ELK3: variants seen among roughly 807,000 people sequenced by gnomAD.
The protein encoded by ELK3 is ETS transcription factor ELK3.
Under a neutral mutation model 28.9 loss-of-function variants are expected in ELK3, and 10 were observed. The ratio of observed to expected loss-of-function variants is 0.35; its 90% CI spans 0.21 to 0.59. The LOEUF is 0.59. ELK3 is among the 20% of genes least tolerant of loss of function. ELK3 has a pLI of 0.82. For missense variants in ELK3, 463 were observed against 517.3 expected (o/e 0.90, Z 1.02); for synonymous variants, 272 against 243.5 (o/e 1.12, Z -1.09).
chr12:96,235,927 G>A (rs938027572), intron 2 of ELK3, among the ~76,000 whole-genome samples: 6 of 152,002 alleles, frequency 3.9e-5, no homozygotes, highest in Non-Finnish European at 5.9e-5. Context: ...TCCTGGGTTC[G>A]AGCGATTCTC....
rs143859184 is a variant in ELK3 at position 96,247,388 on chromosome 12, C to G, written c.656C>G (p.Ser219Trp). The change falls in exon 3 of 5, where the codon TCG becomes TGG. Residue 219 changes from serine to tryptophan, a missense_variant. By Grantham distance (177) the Ser-to-Trp change is radical (BLOSUM62 -3). This residue lies in a region of ELK3 where 408 missense variants were observed against 414.8 expected (regional missense o/e 0.98). Transcript: ENST00000228741. This position sits in a 1 kb window ranked among gnomAD's most constrained non-coding sequence, Gnocchi z 5.5. ...TCCGCCTTCCTGGCCTCGTCCGTCTCGGCCAAGATCTCCTCTTTAATGTTG... is the reference window on the plus strand; with the variant it reads ...TCCGCCTTCCTGGCCTCGTCCGTCTGGGCCAAGATCTCCTCTTTAATGTTG... ...AASAFLASSV[S>W]AKISSLMLPN... 28 of 1,614,178 alleles carry G rather than the reference C, an allele frequency of 1.7e-5. No homozygotes were observed. The highest frequency in any genetic ancestry group is 2.4e-5 in the Non-Finnish European group (28 of 1,180,042).
chr12:96,251,787 AG>A (rs1347505482), intron 3 of ELK3, among the ~76,000 whole-genome samples: 2 of 152,244 alleles, frequency 1.3e-5, no homozygotes, highest in East Asian at 3.8e-4. Flanking sequence ...GCAGAAGAAA[AG>A]TGTGAAGCTA....
At chr12:96,227,986 C>A (rs756221843) in intron 2 of ELK3, among the ~76,000 whole-genome samples, 5 of 152,136 alleles carry the variant, frequency 3.3e-5, no homozygotes, top group Non-Finnish European at 7.3e-5. Context: ...TTCTCTATCA[C>A]TAATTTGAAC....
chr12:96,232,728 T>C (rs1757969007), intron 2 of ELK3, among the ~76,000 whole-genome samples: 2 of 147,800 alleles, frequency 1.4e-5, no homozygotes, highest in African/African-American at 5.0e-5. Flanking sequence ...CTGGGCAATA[T>C]AGTGAGGCCT....
chr12:96,200,295 C>T (rs1951500335), intron 1 of ELK3, among the ~76,000 whole-genome samples: 1 of 152,060 alleles, frequency 6.6e-6, no homozygotes, highest in South Asian at 2.1e-4. Flanking sequence ...TGTTGGAGAC[C>T]TTCTCTTAAG....
intron 1 of ELK3, among the ~76,000 whole-genome samples, chr12:96,204,690 T>C (rs948180050): frequency 6.6e-6 from 1 of 152,186 alleles, no homozygotes; most frequent in African/African-American, 2.4e-5. Context: ...TCTCCTCTGC[T>C]TGCACCTGTA....
In ELK3 at chr12:96,247,314, C is replaced by T. The variant is rs765199394; in HGVS notation, c.582C>T (p.Val194=). 7 of 1,614,272 alleles carry T rather than the reference C, an allele frequency of 4.3e-6. No individual in the cohort carries two copies. Among genetic ancestry groups the T allele is most frequent in the Non-Finnish European group, 5.9e-6 (7 of 1,180,050 alleles). ...RFVTNKTDKH[V]TRPVVSLPST... Reference sequence around the variant, plus strand: ...TGACCAATAAAACCGACAAGCACGTCACCAGGCCGGTGGTGTCCCTGCCTT... The same window carrying T: ...TGACCAATAAAACCGACAAGCACGTTACCAGGCCGGTGGTGTCCCTGCCTT... Residue 194 remains valine (V), a synonymous_variant, in exon 3 of 5, where the codon GTC becomes GTT. Coordinates refer to ENST00000228741, the MANE Select transcript of ELK3 (RefSeq NM_005230.4). This position sits in a 1 kb window ranked among gnomAD's most constrained non-coding sequence, Gnocchi z 5.5.
intron 2 of ELK3, among the ~76,000 whole-genome samples, chr12:96,239,783 C>G (rs1195498555): frequency 6.6e-6 from 1 of 152,256 alleles, no homozygotes; most frequent in African/African-American, 2.4e-5. Context: ...CAAGCAGACG[C>G]TGCAAGGCTG....
At chr12:96,265,571 A>G (rs1181728137) in intron 4 of ELK3, among the ~76,000 whole-genome samples, 1 of 152,162 alleles carries the variant, frequency 6.6e-6, no homozygotes, top group Non-Finnish European at 1.5e-5. Context: ...CTGTAGTCCC[A>G]GCTACTTAGG....
chr12:96,227,430 C>A (rs936622172), intron 2 of ELK3, among the ~76,000 whole-genome samples: 2 of 152,082 alleles, frequency 1.3e-5, no homozygotes, highest in African/African-American at 4.8e-5. Context: ...GGAATTTTTC[C>A]CACTTGAGTA....
rs1345256449 is a variant in ELK3 at position 96,269,304 on chromosome 12, AAAGG to A, written c.*2128_*2131del. Reference sequence around the variant, plus strand: ...CCAAAATGCATGATTCTTACAAACTAAAGGAAGTTAATGTGCAAAAATCTCAACC... The same window carrying A: ...CCAAAATGCATGATTCTTACAAACTAAAGTTAATGTGCAAAAATCTCAACC... On this transcript the variant is annotated 3_prime_UTR_variant, in exon 5 of 5. Coordinates refer to ENST00000228741, the MANE Select transcript of ELK3 (RefSeq NM_005230.4). 6 of 152,236 alleles carry A rather than the reference AAAGG, an allele frequency of 3.9e-5. No individual in the cohort carries two copies. Among genetic ancestry groups the A allele is most frequent in the Admixed American group, 2.6e-4 (4 of 15,288 alleles). 9.4% of individuals were successfully genotyped at this position (152,236 alleles called of 1,614,324 possible).
intron 2 of ELK3, among the ~76,000 whole-genome samples, chr12:96,239,389 G>A (rs145030376): frequency 1.2e-3 from 177 of 152,134 alleles, no homozygotes; most frequent in Non-Finnish European, 1.6e-3. Flanking sequence ...AAGTAGCTAC[G>A]TGGTATTCCA....
At chr12:96,256,188 TGCA>T (rs1951946822) in intron 3 of ELK3, among the ~76,000 whole-genome samples, 1 of 152,126 alleles carries the variant, frequency 6.6e-6, no homozygotes, top group Non-Finnish European at 1.5e-5. Context: ...GGGGCTTGGA[TGCA>T]GCAGGAATGG....
chr12:96,255,412 G>A (rs1304699273), intron 3 of ELK3: 1 of 152,078 alleles, frequency 6.6e-6, no homozygotes, highest in African/African-American at 2.4e-5. Flanking sequence ...GAGGTCACTT[G>A]TGGAGAGGGC....
intron 1 of ELK3, among the ~76,000 whole-genome samples, chr12:96,222,303 G>A (rs1057085279): frequency 6.6e-6 from 1 of 152,220 alleles, no homozygotes; most frequent in Non-Finnish European, 1.5e-5. Context: ...GGATGAGAAA[G>A]AGTTCACCAG....
At chr12:96,199,317 A>G (rs571340849) in intron 1 of ELK3, among the ~76,000 whole-genome samples, 1 of 152,168 alleles carries the variant, frequency 6.6e-6, no homozygotes, top group Non-Finnish European at 1.5e-5. Flanking sequence ...GGAGTTTCCA[A>G]ACTTTGAAGT....
intron 3 of ELK3, 87 bp from the exon 4 acceptor site, chr12:96,259,644 C>G: frequency 7.0e-7 from 1 of 1,435,300 alleles, no homozygotes; most frequent in South Asian, 1.5e-5. Context: ...CCATGCCTAG[C>G]CTACCTAACC....
intron 3 of ELK3, among the ~76,000 whole-genome samples, chr12:96,258,746 C>CTG (rs1369928772): frequency 4.6e-5 from 7 of 152,172 alleles, no homozygotes; most frequent in South Asian, 2.1e-4. Context: ...AGGACTCCTG[C>CTG]TGTGTGTGTG....
Position 96,247,431 on chromosome 12 carries a change from T to A in ELK3, c.699T>A (p.Ile233=). Residue 233 remains isoleucine, a synonymous_variant, in exon 3 of 5, where the codon ATT becomes ATA. Transcript: ENST00000228741. The surrounding 1 kb of genome is among the most constrained non-coding windows in gnomAD (Gnocchi z 5.5). The part of the protein sequence containing the change: ...SSLMLPNAAS[I]SSASPFSSRS... ...TAATGTTGCCAAACGCTGCCAGTAT[T>A]TCATCCGCCTCACCCTTCTCATCTC... The A allele has an allele frequency of 1.2e-6, 2 of 1,614,076 alleles. No homozygotes were observed. Among genetic ancestry groups the A allele is most frequent in the Non-Finnish European group, 1.7e-6 (2 of 1,180,004 alleles).
Sources: gnomAD v4.1 joint callset for allele counts (sites outside exome capture counted in the v4.1 genomes callset) on GRCh38, gnomAD v4.1.1 for gene constraint, gnomAD v4.1.1 regional missense constraint, Gnocchi (gnomAD v3.1) non-coding constraint, MANE v1.5 for transcripts, NCBI Gene and HGNC (gene_info 2026-07-23, HGNC 2026-07-21) for gene names.